Variants in PTPRM observed in about 807,000 individuals in gnomAD.
PTPRM encodes the protein receptor-type tyrosine-protein phosphatase mu.
In PTPRM, 47 loss-of-function variants were observed where a neutral mutation model predicts 186.7. The observed-to-expected ratio is 0.25, with a 90% CI of 0.20 to 0.32. The LOEUF is 0.32. Among genes scored for constraint, PTPRM ranks in the 10% least tolerant of loss-of-function variants. The probability of loss-of-function intolerance (pLI) is 1.00; values close to 1 mark genes in which losing one functional copy is unlikely to be tolerated. For synonymous variants in PTPRM, 668 were observed against 674.9 expected (o/e 0.99, Z 0.16); for missense variants, 1,494 against 1,865.0 (o/e 0.80, Z 3.66).
chr18:8,084,364 C>T (rs927618177), intron 9 of PTPRM, among the ~76,000 whole-genome samples: 3 of 152,148 alleles, frequency 2.0e-5, no homozygotes, highest in Non-Finnish European at 4.4e-5. Context: ...TGACGTCCTT[C>T]GCTCAGCCAC....
At chr18:8,007,030 C>T (rs2147824973) in intron 7 of PTPRM, among the ~76,000 whole-genome samples, 1 of 152,310 alleles carries the variant, frequency 6.6e-6, no homozygotes, top group African/African-American at 2.4e-5. Flanking sequence ...CTGTGCTCCT[C>T]CCAGTGTTAA....
At chr18:7,920,889 A>G (rs886384706) in intron 4 of PTPRM, among the ~76,000 whole-genome samples, 6 of 152,122 alleles carry the variant, frequency 3.9e-5, no homozygotes, top group African/African-American at 1.4e-4. Context: ...TTGGATGGCA[A>G]TTTAAAAAAA....
chr18:8,146,269 G>C (rs2092883576), intron 14 of PTPRM, among the ~76,000 whole-genome samples: 1 of 152,032 alleles, frequency 6.6e-6, no homozygotes, highest in Admixed American at 6.5e-5. Flanking sequence ...TGATCCGCCT[G>C]CTTGGCCTCC....
At chr18:8,218,146 G>A (rs376334972) in intron 14 of PTPRM, among the ~76,000 whole-genome samples, 2 of 152,122 alleles carry the variant, frequency 1.3e-5, no homozygotes, top group South Asian at 4.1e-4. Context: ...GCAGTGGGGC[G>A]TGTGGAAGAT....
chr18:8,163,880 C>G (rs1027603478), intron 14 of PTPRM, among the ~76,000 whole-genome samples: 1 of 152,194 alleles, frequency 6.6e-6, no homozygotes, highest in Non-Finnish European at 1.5e-5. Flanking sequence ...AATTACTATC[C>G]TGACCACTGT....
rs559030133 is a variant in PTPRM, at chr18:7,699,246, G to A, written c.74-74903G>A. Among the ~76,000 whole-genome samples, 24 of 152,284 alleles carry A rather than the reference G, an allele frequency of 1.6e-4. 1 individual carries two copies. The highest frequency in any genetic ancestry group is 1.0e-3 in the South Asian group (5 of 4,828). Reference sequence around the variant, plus strand: ...GAAACCAGTCCCTCATGCTGAAAAGGTTGGGGACTGCTGCTTTAAATACTC... The same window carrying A: ...GAAACCAGTCCCTCATGCTGAAAAGATTGGGGACTGCTGCTTTAAATACTC... On this transcript the variant is annotated intron_variant, in intron 1 of 32. Coordinates refer to ENST00000580170, the MANE Select transcript of PTPRM (RefSeq NM_001105244.2).
chr18:7,934,957 T>A (rs547177332), intron 5 of PTPRM, among the ~76,000 whole-genome samples: 1 of 152,232 alleles, frequency 6.6e-6, no homozygotes, highest in African/African-American at 2.4e-5. Flanking sequence ...ATGTATGCGA[T>A]GTTGCCTTGG....
chr18:8,318,919 G>T (rs1488863156), intron 21 of PTPRM, among the ~76,000 whole-genome samples: 2 of 152,214 alleles, frequency 1.3e-5, no homozygotes, highest in Non-Finnish European at 2.9e-5. Flanking sequence ...TAAGTTGTTA[G>T]TGTTTCTTGC....
At chr18:8,130,372 G>T (rs148653456) in intron 13 of PTPRM, among the ~76,000 whole-genome samples, 12 of 152,254 alleles carry the variant, frequency 7.9e-5, no homozygotes, top group Middle Eastern at 3.4e-3. Context: ...CCATGAAACC[G>T]CAAGGCCAAG....
chr18:8,274,312 A>T (rs2094808272), intron 19 of PTPRM, among the ~76,000 whole-genome samples: 1 of 152,300 alleles, frequency 6.6e-6, no homozygotes, highest in South Asian at 2.1e-4. Context: ...CACTAAATAA[A>T]ATTTTTAAAT....
chr18:8,095,614 G>A (rs998575144), intron 11 of PTPRM, among the ~76,000 whole-genome samples: 4 of 151,982 alleles, frequency 2.6e-5, no homozygotes, highest in South Asian at 2.1e-4. Flanking sequence ...GAGGGCGTGC[G>A]GCCTCAGAAC....
At chr18:8,012,024 C>T (rs1568181581) in intron 7 of PTPRM, among the ~76,000 whole-genome samples, 1 of 152,140 alleles carries the variant, frequency 6.6e-6, no homozygotes, top group Non-Finnish European at 1.5e-5. Flanking sequence ...GGATTTGTTG[C>T]CACCGTGGTT....
intron 1 of PTPRM, among the ~76,000 whole-genome samples, chr18:7,670,170 G>A (rs1002571157): frequency 8.1e-5 from 11 of 136,006 alleles, no homozygotes; most frequent in Non-Finnish European, 1.2e-4. Context: ...TTACTAATGA[G>A]ATATTTTACC....
chr18:7,627,010 A>G (rs1381568001), intron 1 of PTPRM, among the ~76,000 whole-genome samples: 1 of 152,038 alleles, frequency 6.6e-6, no homozygotes, highest in Non-Finnish European at 1.5e-5. Context: ...CCTCGGCACT[A>G]TCCCCCTCTG....
At chr18:7,874,356 A>T (rs1230199258) in intron 2 of PTPRM, among the ~76,000 whole-genome samples, 1 of 152,202 alleles carries the variant, frequency 6.6e-6, no homozygotes, top group Non-Finnish European at 1.5e-5. Flanking sequence ...CTGGGTCTCT[A>T]TGTAAACAAA....
At chr18:8,331,894 T>G (rs1449069388) in intron 22 of PTPRM, among the ~76,000 whole-genome samples, 4 of 152,236 alleles carry the variant, frequency 2.6e-5, no homozygotes, top group Non-Finnish European at 4.4e-5. Context: ...GCAGCCTTGA[T>G]AGCAGCGCCA....
intron 1 of PTPRM, among the ~76,000 whole-genome samples, chr18:7,679,566 G>T (rs958704686): frequency 6.6e-6 from 1 of 152,180 alleles, no homozygotes. Flanking sequence ...TCGGGAGGCC[G>T]AGGCACGAGA....
intron 14 of PTPRM, among the ~76,000 whole-genome samples, chr18:8,235,873 G>A (rs572473049): frequency 1.3e-5 from 2 of 151,684 alleles, no homozygotes; most frequent in Non-Finnish European, 2.9e-5. Flanking sequence ...CAAGTATTAG[G>A]GATTTTTCCA....
At chr18:7,679,854 T>G (rs2039439323) in intron 1 of PTPRM, among the ~76,000 whole-genome samples, 1 of 151,904 alleles carries the variant, frequency 6.6e-6, no homozygotes, top group Non-Finnish European at 1.5e-5. Context: ...ACAATAGACT[T>G]TTTTTGAAAA....
Sources: allele counts gnomAD v4.1 joint callset (sites outside exome capture counted in the v4.1 genomes callset), GRCh38; gene constraint gnomAD v4.1.1; transcripts MANE v1.5; gene names NCBI Gene and HGNC (gene_info 2026-07-23, HGNC 2026-07-21).